Variants in DLG5 observed in about 807,000 individuals in gnomAD.
DLG5 encodes the protein discs large MAGUK scaffold protein 5.
DLG5 carries 48 observed loss-of-function variants against 189.8 expected under a neutral mutation model. The ratio of observed to expected loss-of-function variants is 0.25; its 90% CI spans 0.20 to 0.32. The LOEUF (loss-of-function observed/expected upper bound fraction) is 0.32, where lower values mean the gene tolerates loss of function less well. Among genes scored for constraint, DLG5 ranks in the 10% least tolerant of loss-of-function variants. DLG5 has a pLI of 1.00. For missense variants in DLG5, 2,160 were observed against 2,544.7 expected, an observed-to-expected ratio of 0.85 and a Z score of 3.25; for synonymous variants, 1,016 against 1,054.1, an observed-to-expected ratio of 0.96 and a Z score of 0.70.
intron 24 of DLG5, 39 bp downstream of exon 24, chr10:77,809,508 T>C (rs1434468909): frequency 6.3e-6 from 10 of 1,580,594 alleles, no homozygotes; most frequent in African/African-American, 1.4e-5. Context: ...ACTGTGCAGG[T>C]AGATGGAGGC....
chr10:77,830,782 T>G lies in DLG5; in HGVS notation c.1840A>C (p.Met614Leu), dbSNP rs763735289. The G allele has an allele frequency of 6.2e-7, 1 of 1,614,194 alleles. No individual in the cohort carries two copies. The highest frequency in any genetic ancestry group is 1.7e-5 in the Admixed American group (1 of 60,018). ...TCTACAACTTCCGTTTCCCACTCCATGGAATCCGTGTCAATGGCCGAGTCG... is the reference window on the plus strand; with the variant it reads ...TCTACAACTTCCGTTTCCCACTCCAGGGAATCCGTGTCAATGGCCGAGTCG... Reference protein sequence around the residue: ...SHDSAIDTDSMEWETEVVEFE... With the variant: ...SHDSAIDTDSLEWETEVVEFE... The change falls in exon 10 of 32, where the codon ATG becomes CTG. Residue 614 changes from methionine to leucine, a missense_variant. Coordinates refer to ENST00000372391, the MANE Select transcript of DLG5 (RefSeq NM_004747.4).
Position 77,830,859 on chromosome 10 carries a change from G to A in DLG5, c.1763C>T (p.Ser588Phe), listed in dbSNP as rs545587114. ...GAACCGGGCCTCCTTTTCCAACTGG[G>A]ATTCCATCTGTTCCCTGTGAACAGA... Reference protein sequence around the residue: ...ELKELKEQMESQLEKEARFRQ... With the variant: ...ELKELKEQMEFQLEKEARFRQ... The change falls in exon 10 of 32, where the codon TCC becomes TTC. Residue 588 changes from serine to phenylalanine, a missense_variant. Transcript: ENST00000372391. 5.0e-6 allele frequency: 8 copies of A among 1,614,068 alleles called. No individual in the cohort carries two copies. Among genetic ancestry groups the A allele is most frequent in the East Asian group, 2.2e-5 (1 of 44,876 alleles).
At chr10:77,917,810 T>G (rs1846409122) in intron 1 of DLG5, among the ~76,000 whole-genome samples, 1 of 151,812 alleles carries the variant, frequency 6.6e-6, no homozygotes, top group Non-Finnish European at 1.5e-5. Flanking sequence ...GTGGATCACC[T>G]GAGGTACGGA....
At chr10:77,872,499 G>A (rs547059882) in intron 1 of DLG5, among the ~76,000 whole-genome samples, 1 of 152,328 alleles carries the variant, frequency 6.6e-6, no homozygotes, top group Non-Finnish European at 1.5e-5. Flanking sequence ...CCAACCCAGG[G>A]AGCTGGCAGG....
At chr10:77,913,279 TGG>T (rs1336923303) in intron 1 of DLG5, among the ~76,000 whole-genome samples, 1 of 152,112 alleles carries the variant, frequency 6.6e-6, no homozygotes, top group Non-Finnish European at 1.5e-5. Flanking sequence ...ACAACCGGCC[TGG>T]GCAAGGGGAG....
intron 4 of DLG5, 137 bp from the exon 5 acceptor site, chr10:77,853,674 G>T: frequency 1.1e-6 from 1 of 870,576 alleles, no homozygotes; most frequent in Non-Finnish European, 1.7e-6. Context: ...TAGGTCTGTA[G>T]CACTCAGAGG....
intron 1 of DLG5, among the ~76,000 whole-genome samples, chr10:77,874,659 A>G (rs1845029483): frequency 6.6e-6 from 1 of 152,256 alleles, no homozygotes; most frequent in Admixed American, 6.5e-5. Flanking sequence ...CATTATGTAT[A>G]TGCAAATATT....
intron 20 of DLG5, among the ~76,000 whole-genome samples, chr10:77,814,503 A>ATATATATC (rs1841953521): frequency 8.6e-6 from 1 of 115,754 alleles, no homozygotes; most frequent in Non-Finnish European, 1.8e-5. Context: ...ATATATATAT[A>ATATATATC]TATCCAAAGG....
intron 1 of DLG5, among the ~76,000 whole-genome samples, chr10:77,898,138 AGCGCAGGTGACCAAGTG>A (rs977272516): frequency 2.6e-5 from 4 of 152,188 alleles, no homozygotes; most frequent in African/African-American, 7.2e-5. Flanking sequence ...CTTCTCCATC[AGCGCAGGTGACCAAGTG>A]GCACATGGCT....
Position 77,817,854 on chromosome 10 carries a change from C to T in DLG5, c.3707G>A (p.Ser1236Asn). Reference sequence around the variant, plus strand: ...GGAGTAGTCGCTGCAGGTCCTGTGGCTCAGGTCCAGGCTCAGGCGTCCCTG... The same window carrying T: ...GGAGTAGTCGCTGCAGGTCCTGTGGTTCAGGTCCAGGCTCAGGCGTCCCTG... ...QHQGRLSLDL[S>N]HRTCSDYSEM... Residue 1236 changes from serine to asparagine, a missense_variant, in exon 18 of 32, where the codon AGC (serine) becomes AAC (asparagine). Physicochemically the swap from Ser to Asn is conservative, Grantham distance 46 (BLOSUM62 1). This residue lies in a region of DLG5 where 754 missense variants were observed against 746.5 expected (regional missense o/e 1.01). Coordinates refer to ENST00000372391, the MANE Select transcript of DLG5 (RefSeq NM_004747.4). The T allele has an allele frequency of 6.4e-7, 1 of 1,553,432 alleles. No homozygotes were observed. The highest frequency in any genetic ancestry group is 1.2e-5 in the South Asian group (1 of 84,142).
intron 3 of DLG5, 28 bp from the exon 4 acceptor site, chr10:77,854,398 A>T: frequency 6.2e-7 from 1 of 1,612,434 alleles, no homozygotes; most frequent in Non-Finnish European, 8.5e-7. Flanking sequence ...TGGCCCCATG[A>T]ACACAGGCCC....
At chr10:77,848,230 CTG>C (rs1209079323) in intron 5 of DLG5, among the ~76,000 whole-genome samples, 1 of 152,212 alleles carries the variant, frequency 6.6e-6, no homozygotes, top group Non-Finnish European at 1.5e-5. Context: ...GAACACTCCT[CTG>C]TGGGCTTCTC....
chr10:77,892,231 G>A (rs765161278), intron 1 of DLG5, among the ~76,000 whole-genome samples: 1 of 152,100 alleles, frequency 6.6e-6, no homozygotes, highest in Non-Finnish European at 1.5e-5. Flanking sequence ...TCCCTACCTC[G>A]TGACCCATAA....
At chr10:77,871,801 C>G (rs373293765) in intron 1 of DLG5, among the ~76,000 whole-genome samples, 4 of 151,996 alleles carry the variant, frequency 2.6e-5, no homozygotes, top group Non-Finnish European at 4.4e-5. Flanking sequence ...CCTCAGCCTC[C>G]CAAAGTGCTA....
At chr10:77,851,694 T>A (rs1474453923) in intron 5 of DLG5, among the ~76,000 whole-genome samples, 2 of 152,238 alleles carry the variant, frequency 1.3e-5, no homozygotes, top group African/African-American at 4.8e-5. Flanking sequence ...CTGCCCTGGT[T>A]ACTCCACATA....
At chr10:77,916,904 AATATAT>A (rs55841913) in intron 1 of DLG5, among the ~76,000 whole-genome samples, 2,233 of 129,098 alleles carry the variant, frequency 0.017, 117 homozygotes, top group African/African-American at 0.064. Context: ...TAAAATATAG[AATATAT>A]ATATATATAT....
rs1589216236 is a variant in DLG5 at position 77,851,324 on chromosome 10, G to C, written c.864+2030C>G. Reference sequence around the variant, plus strand: ...GCTCCACTGACATGCACAAGGAAGGGTCCCTGCAGGGGGAATGGGTTGTGG... The same window carrying C: ...GCTCCACTGACATGCACAAGGAAGGCTCCCTGCAGGGGGAATGGGTTGTGG... On this transcript the variant is annotated intron_variant, in intron 5 of 31. Transcript: ENST00000372391. 3.9e-5 allele frequency among the ~76,000 whole-genome samples: 6 copies of C among 152,336 alleles called. No homozygotes were observed. The South Asian group carries it at 1.2e-3, about 32-fold the overall frequency.
chr10:77,921,816 G>C (rs58913652), intron 1 of DLG5, among the ~76,000 whole-genome samples: 8,435 of 152,288 alleles, frequency 0.055, 304 homozygotes, highest in African/African-American at 0.08. Flanking sequence ...GGAAAGTAAA[G>C]AGGAGGCACA....
rs11812504 is a variant in DLG5 at position 77,855,612 on chromosome 10, G to T, written c.536+1118C>A. ...CATTTATAAAACAGGCAGTGGGCCC[G>T]TGGGCCATAGTGTGCCAACTCTCAT... On this transcript the variant is annotated intron_variant, in intron 3 of 31. Coordinates refer to ENST00000372391, the MANE Select transcript of DLG5 (RefSeq NM_004747.4). 2.0e-5 allele frequency among the ~76,000 whole-genome samples: 3 copies of T among 152,216 alleles called. No individual in the cohort carries two copies. The South Asian group carries it at 6.2e-4, about 31-fold the overall frequency.
Sources: allele counts gnomAD v4.1 joint callset (sites outside exome capture counted in the v4.1 genomes callset), GRCh38; gene constraint gnomAD v4.1.1; regional missense constraint gnomAD v4.1.1; transcripts MANE v1.5; gene names NCBI Gene and HGNC (gene_info 2026-07-23, HGNC 2026-07-21).